The following CNPY1 variants were observed in gnomAD, a reference collection of about 807,000 sequenced individuals.
CNPY1 encodes the protein protein canopy homolog 1.
In CNPY1, 14 loss-of-function variants were observed where a neutral mutation model predicts 14.4. The observed-to-expected ratio is 0.97, with a 90% CI of 0.64 to 1.52. The LOEUF (loss-of-function observed/expected upper bound fraction) is 1.52, where lower values mean the gene tolerates loss of function less well. Among genes scored for constraint, CNPY1 ranks in the 40% most tolerant of loss-of-function variants. The pLI is 0.00. For missense variants in CNPY1, 129 were observed against 131.5 expected (o/e 0.98, Z 0.09); for synonymous variants, 43 against 46.5 (o/e 0.92, Z 0.31).
chr7:155,534,281 TCA>T (rs199632318), intron 2 of CNPY1, among the ~76,000 whole-genome samples: 14 of 151,698 alleles, frequency 9.2e-5, no homozygotes, highest in Admixed American at 2.0e-4. Flanking sequence ...GACTTTGAGC[TCA>T]CACACACACA....
At chr7:155,528,583 C>G (rs1001410676) in intron 2 of CNPY1, among the ~76,000 whole-genome samples, 4 of 152,246 alleles carry the variant, frequency 2.6e-5, no homozygotes, top group African/African-American at 9.6e-5. Context: ...AGCTGGACCC[C>G]TGTCCCCGCA....
At chr7:155,523,658 T>A (rs1324336639) in intron 2 of CNPY1, among the ~76,000 whole-genome samples, 1 of 152,174 alleles carries the variant, frequency 6.6e-6, no homozygotes, top group Admixed American at 6.5e-5. Flanking sequence ...ATCAGCCTCA[T>A]GGACTTGGAT....
At chr7:155,511,000 T>C (rs1306978148) in intron 2 of CNPY1, among the ~76,000 whole-genome samples, 1 of 152,240 alleles carries the variant, frequency 6.6e-6, no homozygotes, top group African/African-American at 2.4e-5. Flanking sequence ...CTGATACATA[T>C]ACAATATATT....
chr7:155,537,388 C>T (rs1403532144), intron 2 of CNPY1, among the ~76,000 whole-genome samples: 1 of 152,018 alleles, frequency 6.6e-6, no homozygotes, highest in African/African-American at 2.4e-5. Flanking sequence ...CAAGGAAGGG[C>T]CACATCACAG....
intron 2 of CNPY1, among the ~76,000 whole-genome samples, chr7:155,510,835 GAAAC>G (rs747570599): frequency 4.6e-5 from 7 of 152,204 alleles, no homozygotes; most frequent in Admixed American, 2.6e-4. Flanking sequence ...TTAATTTACA[GAAAC>G]AAATAATTAA....
intron 2 of CNPY1, among the ~76,000 whole-genome samples, chr7:155,545,553 C>A (rs972854133): frequency 6.6e-6 from 1 of 152,214 alleles, no homozygotes; most frequent in Admixed American, 6.5e-5. Flanking sequence ...CCCTGCTGGC[C>A]TCACCAAGAA....
intron 1 of CNPY1, 52 bp from the exon 2 acceptor site, chr7:155,545,995 G>A (rs1006778266): frequency 2.3e-5 from 9 of 398,356 alleles, no homozygotes; most frequent in East Asian, 1.1e-4. Context: ...AGCCAGAGCC[G>A]GGCCTGTGGA....
At chr7:155,539,689 G>C (rs1003340360) in intron 2 of CNPY1, among the ~76,000 whole-genome samples, 1 of 152,126 alleles carries the variant, frequency 6.6e-6, no homozygotes, top group East Asian at 1.9e-4. Context: ...GATTAACGGG[G>C]GGAAAAAAGC....
intron 2 of CNPY1, among the ~76,000 whole-genome samples, chr7:155,527,054 C>CTTTCTTTCTTTCTTTCTTTCTTT (rs56296833): frequency 1.2e-3 from 108 of 90,354 alleles, no homozygotes; most frequent in African/African-American, 4.5e-3. Context: ...TTCTTTCTTT[C>CTTTCTTTCTTTCTTTCTTTCTTT]TTTTTTTTTT....
chr7:155,521,387 A>C (rs1459837292), intron 2 of CNPY1, among the ~76,000 whole-genome samples: 1 of 152,230 alleles, frequency 6.6e-6, no homozygotes, highest in Non-Finnish European at 1.5e-5. Flanking sequence ...TCCCCAGAGT[A>C]GAAAGTCTAG....
intron 2 of CNPY1, among the ~76,000 whole-genome samples, chr7:155,528,152 G>A (rs1369642612): frequency 6.6e-6 from 1 of 152,162 alleles, no homozygotes; most frequent in Non-Finnish European, 1.5e-5. Flanking sequence ...GAAAGTTCAG[G>A]AAAAAGGACA....
intron 4 of CNPY1, 146 bp downstream of exon 4, chr7:155,506,874 T>G (rs924929436): frequency 3.0e-6 from 2 of 656,728 alleles, no homozygotes; most frequent in Non-Finnish European, 5.4e-6. Context: ...TGCTGTCGTT[T>G]CTGATTCAGC....
chr7:155,523,441 G>A (rs1396973460), intron 2 of CNPY1, among the ~76,000 whole-genome samples: 1 of 152,214 alleles, frequency 6.6e-6, no homozygotes, highest in Non-Finnish European at 1.5e-5. Flanking sequence ...TTATCTGGAG[G>A]GAAGGGCACA....
chr7:155,508,758 G>T, intron 3 of CNPY1, 136 bp downstream of exon 3: 1 of 957,648 alleles, frequency 1.0e-6, no homozygotes, highest in Non-Finnish European at 1.6e-6. Context: ...AACAAAGTCA[G>T]CAGATGACAT....
rs192008622 is a variant in CNPY1, at chr7:155,534,426, C to A, written c.99+11405G>T. Among the ~76,000 whole-genome samples the A allele has an allele frequency of 6.9e-4, 105 of 152,350 alleles. No homozygotes were observed. In the East Asian group the frequency reaches 0.018, roughly 26 times the overall value. ...GTACACACGTGCACAGACAAATGCA[C>A]ATGTGCACTTGCATGTGCACACACA... On this transcript the variant is annotated intron_variant, in intron 2 of 4. Transcript: ENST00000636446.
intron 2 of CNPY1, among the ~76,000 whole-genome samples, chr7:155,544,795 C>G (rs1797140043): frequency 6.6e-6 from 1 of 152,224 alleles, no homozygotes; most frequent in Non-Finnish European, 1.5e-5. Flanking sequence ...CTTGAAGGAT[C>G]CATCCTTGAG....
chr7:155,524,540 C>T (rs1474573229), intron 2 of CNPY1, among the ~76,000 whole-genome samples: 6 of 152,134 alleles, frequency 3.9e-5, no homozygotes, highest in Non-Finnish European at 8.8e-5. Flanking sequence ...CTATTGTGAA[C>T]GGCACATGCA....
In CNPY1 at chr7:155,507,131, T is replaced by C. The variant is rs1416101106; in HGVS notation, c.304-15A>G. ...ATAGTTTCACACTGTAGAAACATAA[T>C]AACAACATATGTGGATAGACGCACA... On this transcript the variant is annotated splice_polypyrimidine_tract_variant and intron_variant, in intron 3 of 4. Coordinates refer to ENST00000636446, the MANE Select transcript of CNPY1 (RefSeq NM_001393663.1). 2.0e-6 allele frequency: 3 copies of C among 1,498,658 alleles called. No individual in the cohort carries two copies. The highest frequency in any genetic ancestry group is 1.4e-5 in the African/African-American group (1 of 72,754). The allele number at this position is 1,498,658 out of a possible 1,614,324, so 92.8% of individuals were successfully genotyped here.
chr7:155,506,967 T>G, intron 4 of CNPY1, 53 bp downstream of exon 4: 4 of 1,192,464 alleles, frequency 3.4e-6, no homozygotes, highest in Non-Finnish European at 5.0e-6. Context: ...CAAGGCTGAG[T>G]GAGAGAGAGA....
Sources: allele counts gnomAD v4.1 joint callset (sites outside exome capture counted in the v4.1 genomes callset), GRCh38; gene constraint gnomAD v4.1.1; transcripts MANE v1.5; gene names NCBI Gene and HGNC (gene_info 2026-07-23, HGNC 2026-07-21).